KLHL14: variants seen among roughly 807,000 people sequenced by gnomAD.
The protein encoded by KLHL14 is kelch-like protein 14.
A neutral mutation model predicts 64.3 loss-of-function variants in KLHL14; 22 were observed. That is an observed-to-expected ratio of 0.34 (90% CI 0.24 to 0.49). KLHL14 has a LOEUF of 0.49. Among genes scored for constraint, KLHL14 ranks in the 20% least tolerant of loss-of-function variants. KLHL14 has a pLI of 0.99. For synonymous variants in KLHL14, 322 were observed against 333.4 expected, an observed-to-expected ratio of 0.97 and a Z score of 0.37; for missense variants, 661 against 789.0, an observed-to-expected ratio of 0.84 and a Z score of 1.94.
chr18:32,739,668 ACAC>A lies in KLHL14; in HGVS notation c.1069+2257_1069+2259del, dbSNP rs972192784. On this transcript the variant is annotated intron_variant, in intron 3 of 8. Coordinates refer to ENST00000359358, the MANE Select transcript of KLHL14 (RefSeq NM_020805.3). The stretch of plus-strand genomic sequence containing the variant: ...CACACACACACACACACACACACAC[ACAC>A]ATTTATTTCCTTCAACTTCAAATCT... 4.6e-5 allele frequency among the ~76,000 whole-genome samples: 7 copies of A among 151,034 alleles called. No individual in the cohort carries two copies. The South Asian group carries it at 8.3e-4, about 18-fold the overall frequency.
chr18:32,679,042 G>A (rs117853666), intron 7 of KLHL14, among the ~76,000 whole-genome samples: 222 of 152,184 alleles, frequency 1.5e-3, no homozygotes, highest in Non-Finnish European at 2.1e-3. Context: ...AAAGAGCACC[G>A]TTGAAAGAGA....
chr18:32,712,596 A>G (rs745737134), intron 3 of KLHL14, among the ~76,000 whole-genome samples: 18 of 152,110 alleles, frequency 1.2e-4, no homozygotes, highest in Non-Finnish European at 2.9e-5. Flanking sequence ...ATGCTGCTAT[A>G]TTGGTCACTT....
chr18:32,697,232 G>A (rs1434137089), intron 3 of KLHL14, among the ~76,000 whole-genome samples: 1 of 152,202 alleles, frequency 6.6e-6, no homozygotes, highest in Non-Finnish European at 1.5e-5. Context: ...TTGAGCAACA[G>A]AGGTAGAATA....
intron 5 of KLHL14, among the ~76,000 whole-genome samples, chr18:32,681,231 C>A (rs2049837175): frequency 6.6e-6 from 1 of 151,976 alleles, no homozygotes; most frequent in Non-Finnish European, 1.5e-5. Flanking sequence ...TTTTAAATCC[C>A]TTTTTAAGAG....
At chr18:32,763,990 C>T (rs2050327669) in intron 2 of KLHL14, among the ~76,000 whole-genome samples, 1 of 152,138 alleles carries the variant, frequency 6.6e-6, no homozygotes. Flanking sequence ...ATACTCAATC[C>T]AGTTGATCCA....
At chr18:32,714,060 A>T (rs2050033127) in intron 3 of KLHL14, among the ~76,000 whole-genome samples, 1 of 152,184 alleles carries the variant, frequency 6.6e-6, no homozygotes, top group Non-Finnish European at 1.5e-5. Flanking sequence ...GTAACAAGTA[A>T]ATTATTGATA....
intron 2 of KLHL14, among the ~76,000 whole-genome samples, chr18:32,758,408 T>A (rs969794040): frequency 6.6e-6 from 1 of 152,234 alleles, no homozygotes; most frequent in Admixed American, 6.5e-5. Flanking sequence ...AAGATGGTTA[T>A]AATGAAAAAG....
At chr18:32,732,635 G>A (rs1379518804) in intron 3 of KLHL14, among the ~76,000 whole-genome samples, 1 of 152,196 alleles carries the variant, frequency 6.6e-6, no homozygotes, top group African/African-American at 2.4e-5. Context: ...AAATAGTGGA[G>A]TCTATCAACC....
intron 3 of KLHL14, among the ~76,000 whole-genome samples, chr18:32,715,969 A>G (rs1029578226): frequency 2.0e-5 from 3 of 152,200 alleles, no homozygotes; most frequent in Non-Finnish European, 4.4e-5. Context: ...CTTCAATTGG[A>G]AAATCTAAAA....
chr18:32,746,966 A>G (rs2050226878), intron 2 of KLHL14, among the ~76,000 whole-genome samples: 2 of 152,254 alleles, frequency 1.3e-5, no homozygotes, highest in South Asian at 4.1e-4. Context: ...AGTTGATGCT[A>G]ATACACAGCC....
At chr18:32,717,476 T>G (rs2050052279) in intron 3 of KLHL14, among the ~76,000 whole-genome samples, 1 of 152,206 alleles carries the variant, frequency 6.6e-6, no homozygotes, top group Non-Finnish European at 1.5e-5. Flanking sequence ...CCTGAAAAGT[T>G]GGTACTCATG....
intron 3 of KLHL14, among the ~76,000 whole-genome samples, chr18:32,715,158 T>C (rs12967142): frequency 0.29 from 43,659 of 151,950 alleles, 6,470 homozygotes; most frequent in Middle Eastern, 0.35. Flanking sequence ...GGTCAGATTT[T>C]TCAATATCTT....
At position 32,770,366 on chromosome 18, in the gene KLHL14, C is replaced by G; in HGVS notation, c.226G>C (p.Asp76His). Reference protein sequence around the residue: ...PPLGGGVGGQDGLGAPKDQQQ... With the variant: ...PPLGGGVGGQHGLGAPKDQQQ... ...TGGTCCTTGGGGGCCCCCAGGCCGT[C>G]CTGGCCGCCGACCCCTCCCCCGAGA... Residue 76 changes from aspartate to histidine, a missense_variant, in exon 2 of 9, where the codon GAC (aspartate) becomes CAC (histidine). Physicochemically the swap from Asp to His is moderately conservative, Grantham distance 81. Transcript: ENST00000359358. The surrounding 1 kb of genome is among the most constrained non-coding windows in gnomAD (Gnocchi z 6.7). 6.3e-7 allele frequency: 1 copy of G among 1,587,046 alleles called. No individual in the cohort carries two copies. Among genetic ancestry groups the G allele is most frequent in the South Asian group, 1.2e-5 (1 of 86,828 alleles).
intron 3 of KLHL14, among the ~76,000 whole-genome samples, chr18:32,708,336 G>A (rs1290246769): frequency 1.3e-5 from 2 of 152,074 alleles, no homozygotes; most frequent in East Asian, 3.9e-4. Context: ...TATTCCATAG[G>A]GACATTTGCA....
chr18:32,685,521 G>A (rs995801847), intron 5 of KLHL14, among the ~76,000 whole-genome samples: 6 of 152,162 alleles, frequency 3.9e-5, no homozygotes, highest in Non-Finnish European at 7.3e-5. Context: ...AAGTGATGCA[G>A]CTGTAATAAC....
chr18:32,764,452 A>AT (rs2050330238), intron 2 of KLHL14, among the ~76,000 whole-genome samples: 1 of 152,038 alleles, frequency 6.6e-6, no homozygotes, highest in African/African-American at 2.4e-5. Context: ...ACTAATGGGG[A>AT]TTTTTTCCAC....
intron 3 of KLHL14, among the ~76,000 whole-genome samples, chr18:32,703,379 AG>A (rs2049975685): frequency 6.6e-6 from 1 of 152,198 alleles, no homozygotes. Context: ...GAAGATGTGA[AG>A]GAGGGAGGAA....
At position 32,673,947 on chromosome 18, in the gene KLHL14, T is replaced by A. The variant is rs924507431; in HGVS notation, c.*710A>T. 2.0e-5 allele frequency: 3 copies of A among 152,206 alleles called. No homozygotes were observed. The highest frequency in any genetic ancestry group is 4.4e-5 in the Non-Finnish European group (3 of 68,032). The allele number at this position is 152,206 out of a possible 1,614,324, so 9.4% of individuals were successfully genotyped here. The stretch of plus-strand genomic sequence containing the variant: ...GAATAGTGACATAATATATTTTGTT[T>A]TAATCTTTCAGATAAAATTGAGGAC... On this transcript the variant is annotated 3_prime_UTR_variant, in exon 9 of 9. Transcript: ENST00000359358.
chr18:32,765,755 T>C (rs369356528), intron 2 of KLHL14, among the ~76,000 whole-genome samples: 7 of 152,124 alleles, frequency 4.6e-5, no homozygotes, highest in East Asian at 1.9e-4. Context: ...TATTAGGAAA[T>C]GTAATGGCAT....
Sources: allele counts gnomAD v4.1 joint callset (sites outside exome capture counted in the v4.1 genomes callset), GRCh38; gene constraint gnomAD v4.1.1; non-coding constraint Gnocchi (gnomAD v3.1); transcripts MANE v1.5; gene names NCBI Gene and HGNC (gene_info 2026-07-23, HGNC 2026-07-21).